The following PCIF1 variants were observed in gnomAD, a reference collection of about 807,000 sequenced individuals.
PCIF1 encodes the protein phosphorylated CTD interacting factor 1.
In PCIF1, 12 loss-of-function variants were observed where a neutral mutation model predicts 86.9. The ratio of observed to expected loss-of-function variants is 0.14; its 90% CI spans 0.09 to 0.22. The LOEUF (loss-of-function observed/expected upper bound fraction) is 0.22, where lower values mean the gene tolerates loss of function less well. PCIF1 is among the 10% of genes least tolerant of loss of function. The pLI is 1.00. For synonymous variants in PCIF1, 397 were observed against 372.0 expected (o/e 1.07, Z -0.77); for missense variants, 701 against 951.1 (o/e 0.74, Z 3.46).
At chr20:45,940,678 C>T in intron 5 of PCIF1, 66 bp downstream of exon 5, 3 of 1,576,166 alleles carry the variant, frequency 1.9e-6, no homozygotes, top group South Asian at 1.2e-5. Context: ...TGCAGGCTCC[C>T]TGCAGGGGCT....
At chr20:45,938,951 G>A (rs1600501567) in intron 2 of PCIF1, 30 bp from the exon 3 acceptor site, 2 of 1,609,042 alleles carry the variant, frequency 1.2e-6, no homozygotes, top group Admixed American at 1.7e-5. Context: ...AGGGGGTGGA[G>A]CTGACACTCT....
intron 2 of PCIF1, among the ~76,000 whole-genome samples, 194 bp from the exon 3 acceptor site, chr20:45,938,787 A>T (rs2083446084): frequency 6.6e-6 from 1 of 152,182 alleles, no homozygotes; most frequent in Admixed American, 6.5e-5. Flanking sequence ...CAGAGGAAGC[A>T]GCAGGAGTGC....
chr20:45,941,926 C>T (rs144679635), intron 7 of PCIF1, among the ~76,000 whole-genome samples: 1 of 149,048 alleles, frequency 6.7e-6, no homozygotes, highest in Non-Finnish European at 1.5e-5. Flanking sequence ...ACCTATTTAA[C>T]CTTGCTCAAA....
intron 14 of PCIF1, among the ~76,000 whole-genome samples, chr20:45,946,773 G>A (rs2083530938): frequency 1.3e-5 from 2 of 152,196 alleles, no homozygotes; most frequent in African/African-American, 4.8e-5. Flanking sequence ...AGGACCTCCA[G>A]AGGTCCAGAG....
intron 10 of PCIF1, among the ~76,000 whole-genome samples, chr20:45,944,430 C>T (rs1600507993): frequency 6.6e-6 from 1 of 152,312 alleles, no homozygotes; most frequent in East Asian, 1.9e-4. Context: ...GCTAAAAGCT[C>T]AAATCTCAAG....
rs746156469 is a variant in PCIF1, at chr20:45,946,349, C to T, written c.1578C>T (p.Ala526=). ...GCTACTTCCGCCAGTACTGTTCTGC[C>T]TTCCCCGACACAGACGGCTACTTTG... is the stretch of plus-strand genomic sequence containing the variant. ...LNCYFRQYCS[A]FPDTDGYFGS... is the part of the protein sequence containing the mutation. Residue 526 remains alanine, a synonymous_variant, in exon 14 of 17, where the codon GCC becomes GCT. Coordinates refer to ENST00000372409, the MANE Select transcript of PCIF1 (RefSeq NM_022104.4). 1.2e-5 allele frequency: 19 copies of T among 1,613,860 alleles called. No individual in the cohort carries two copies. The highest frequency in any genetic ancestry group is 8.0e-5 in the African/African-American group (6 of 74,958).
At chr20:45,940,373 C>T (rs1246901358) in intron 4 of PCIF1, 102 bp from the exon 5 acceptor site, 1 of 1,391,934 alleles carries the variant, frequency 7.2e-7, no homozygotes, top group Non-Finnish European at 9.5e-7. Flanking sequence ...TCTGCTCTTC[C>T]CTAAGGAGTA....
chr20:45,943,657 G>A lies in PCIF1; in HGVS notation c.906-9G>A. On this transcript the variant is annotated splice_polypyrimidine_tract_variant and intron_variant, in intron 9 of 16. Coordinates refer to ENST00000372409, the MANE Select transcript of PCIF1 (RefSeq NM_022104.4). The surrounding 1 kb of genome is among the most constrained non-coding windows in gnomAD (Gnocchi z 5.5). ...CATTCCTTTCTTCTGCCCTCCCCTT[G>A]ACTGGCAGGAGTGCATCCCCTGACA... is the stretch of plus-strand genomic sequence containing the variant. The A allele has an allele frequency of 6.4e-7, 1 of 1,555,702 alleles. No homozygotes were observed. Among genetic ancestry groups the A allele is most frequent in the Non-Finnish European group, 8.7e-7 (1 of 1,148,630 alleles).
intron 1 of PCIF1, among the ~76,000 whole-genome samples, chr20:45,936,282 C>T (rs2083424973): frequency 6.6e-6 from 1 of 151,512 alleles, no homozygotes; most frequent in Non-Finnish European, 1.5e-5. Flanking sequence ...TCATGCCATT[C>T]TTCTGCCTCA....
At chr20:45,946,968 C>A (rs1242717398) in intron 14 of PCIF1, 105 bp from the exon 15 acceptor site, 26 of 879,754 alleles carry the variant, frequency 3.0e-5, no homozygotes, top group Non-Finnish European at 3.6e-6. Flanking sequence ...GGCTTCTGGA[C>A]AGGCCATCTC....
chr20:45,939,419 G>A (rs887263153), intron 4 of PCIF1, 80 bp downstream of exon 4: 44 of 1,584,344 alleles, frequency 2.8e-5, no homozygotes, highest in African/African-American at 1.1e-4. Context: ...CTGAGCAGCC[G>A]TTCAGTGCCC....
chr20:45,936,817 T>C (rs2145859513), intron 1 of PCIF1, among the ~76,000 whole-genome samples: 1 of 152,234 alleles, frequency 6.6e-6, no homozygotes, highest in South Asian at 2.1e-4. Context: ...TAATCCCAGC[T>C]ACTGAGAGGC....
intron 10 of PCIF1, among the ~76,000 whole-genome samples, chr20:45,944,352 TCTCA>T (rs1250990718): frequency 1.3e-5 from 2 of 152,208 alleles, no homozygotes; most frequent in Non-Finnish European, 2.9e-5. Context: ...AGTGACTCAT[TCTCA>T]CTCTTCAGTT....
intron 10 of PCIF1, 141 bp from the exon 11 acceptor site, chr20:45,944,727 G>T: frequency 1.2e-6 from 1 of 856,084 alleles, no homozygotes; most frequent in Non-Finnish European, 1.7e-6. Context: ...CAGGGGATTT[G>T]TCCAAGTGAC....
Position 45,943,674 on chromosome 20 carries a change from C to T in PCIF1, c.914C>T (p.Ser305Phe). Reference sequence around the variant, plus strand: ...CTCCCCTTGACTGGCAGGAGTGCATCCCCTGACAGTAGGAAGGTGGTCAAA... The same window carrying T: ...CTCCCCTTGACTGGCAGGAGTGCATTCCCTGACAGTAGGAAGGTGGTCAAA... ...ARRLIESRSA[S>F]PDSRKVVKWN... The change falls in exon 10 of 17, where the codon TCC (serine) becomes TTC (phenylalanine). Residue 305 changes from serine to phenylalanine, a missense_variant. Coordinates refer to ENST00000372409, the MANE Select transcript of PCIF1 (RefSeq NM_022104.4). The surrounding 1 kb of genome is among the most constrained non-coding windows in gnomAD (Gnocchi z 5.5). 6.4e-7 allele frequency: 1 copy of T among 1,559,528 alleles called. No individual in the cohort carries two copies. The highest frequency in any genetic ancestry group is 8.7e-7 in the Non-Finnish European group (1 of 1,151,178).
chr20:45,943,817 C>G lies in PCIF1; in HGVS notation c.1005+52C>G. ...CAGTTTTAGGGCTCTGTGGCCACTT[C>G]CTCCAGGAAGCCTACTCTGCCTGTC... On this transcript the variant is annotated intron_variant, in intron 10 of 16. Transcript: ENST00000372409. This position sits in a 1 kb window ranked among gnomAD's most constrained non-coding sequence, Gnocchi z 5.5. 6.8e-7 allele frequency: 1 copy of G among 1,462,666 alleles called. No homozygotes were observed. Among genetic ancestry groups the G allele is most frequent in the South Asian group, 1.2e-5 (1 of 81,872 alleles). The allele number at this position is 1,462,666 out of a possible 1,614,324, so 90.6% of individuals were successfully genotyped here.
chr20:45,947,429 T>C lies in PCIF1; in HGVS notation c.1874T>C (p.Ile625Thr). Reference protein sequence around the residue: ...EHEYRSGSQHICKKEEMHYKA... With the variant: ...EHEYRSGSQHTCKKEEMHYKA... ...GAGTACCGCAGTGGCTCCCAGCACA[T>C]CTGCAAGAAGTGGGTGCCAGGGAGG... The change falls in exon 16 of 17, where the codon ATC becomes ACC. Residue 625 changes from isoleucine to threonine, a missense_variant. Physicochemically the swap from Ile to Thr is moderately conservative, Grantham distance 89. Coordinates refer to ENST00000372409, the MANE Select transcript of PCIF1 (RefSeq NM_022104.4). The surrounding 1 kb of genome is among the most constrained non-coding windows in gnomAD (Gnocchi z 5.4). 1.2e-6 allele frequency: 2 copies of C among 1,613,842 alleles called. No homozygotes were observed. Among genetic ancestry groups the C allele is most frequent in the Non-Finnish European group, 8.5e-7 (1 of 1,179,984 alleles).
At position 45,946,207 on chromosome 20, in the gene PCIF1, T is replaced by C; in HGVS notation, c.1436T>C (p.Phe479Ser). 2 of 1,614,172 alleles carry C rather than the reference T, an allele frequency of 1.2e-6. No homozygotes were observed. The highest frequency in any genetic ancestry group is 1.7e-6 in the Non-Finnish European group (2 of 1,180,018). ...WCLLRRYQMM[F>S]GVGLYEGTGL... ...ACGGTGGCCACTCCGCAGATGATGT[T>C]CGGCGTGGGCCTCTACGAGGGGACT... The change falls in exon 14 of 17, where the codon TTC becomes TCC. Residue 479 changes from phenylalanine (F) to serine (S), a missense_variant. Phe to Ser is a radical substitution (Grantham distance 155, BLOSUM62 -2). Around this residue, in one of 7 missense-constraint regions of PCIF1, gnomAD observed 61 missense variants for 118.5 expected, o/e 0.51. Transcript: ENST00000372409.
rs561697912 is a variant in PCIF1, at chr20:45,943,949, C to T, written c.1005+184C>T. On this transcript the variant is annotated intron_variant, in intron 10 of 16. Coordinates refer to ENST00000372409, the MANE Select transcript of PCIF1 (RefSeq NM_022104.4). The surrounding 1 kb of genome is among the most constrained non-coding windows in gnomAD (Gnocchi z 5.5). ...GACTGTGGAGATGTTTCTCTGGGCTCCTGGCTTTCTCCCACAGAACATTTC... is the reference window on the plus strand; with the variant it reads ...GACTGTGGAGATGTTTCTCTGGGCTTCTGGCTTTCTCCCACAGAACATTTC... Among the ~76,000 whole-genome samples the T allele has an allele frequency of 1.2e-3, 185 of 152,242 alleles. 2 individuals are homozygous for T. Among genetic ancestry groups the T allele is most frequent in the Non-Finnish European group, 7.3e-5 (5 of 68,034 alleles).
Sources: gnomAD v4.1 joint callset for allele counts (sites outside exome capture counted in the v4.1 genomes callset) on GRCh38, gnomAD v4.1.1 for gene constraint, gnomAD v4.1.1 regional missense constraint, Gnocchi (gnomAD v3.1) non-coding constraint, MANE v1.5 for transcripts, NCBI Gene and HGNC (gene_info 2026-07-23, HGNC 2026-07-21) for gene names.